The following RFX7 variants were observed in gnomAD, a reference collection of about 807,000 sequenced individuals.
RFX7 encodes DNA-binding protein RFX7.
In RFX7, 26 loss-of-function variants were observed where a neutral mutation model predicts 111.8. That is an observed-to-expected ratio of 0.23 (90% CI 0.17 to 0.32). The LOEUF (loss-of-function observed/expected upper bound fraction) is 0.32. RFX7 is among the 10% of genes least tolerant of loss of function. The pLI is 1.00. For missense variants in RFX7, 1,573 were observed against 1,772.9 expected (o/e 0.89, Z 2.02); for synonymous variants, 624 against 624.4 (o/e 1.00, Z 0.01).
At chr15:56,169,800 C>A (rs563990837) in intron 3 of RFX7, among the ~76,000 whole-genome samples, 1 of 148,634 alleles carries the variant, frequency 6.7e-6, no homozygotes, top group African/African-American at 2.5e-5. Context: ...TAGTTCCCCA[C>A]GAGCACTCTG....
At chr15:56,131,826 A>T (rs1299244552) in intron 5 of RFX7, among the ~76,000 whole-genome samples, 1 of 152,206 alleles carries the variant, frequency 6.6e-6, no homozygotes, top group Non-Finnish European at 1.5e-5. Context: ...ACAATGAAGA[A>T]GATTCACAGG....
intron 2 of RFX7, among the ~76,000 whole-genome samples, chr15:56,202,287 T>A (rs531525875): frequency 6.6e-6 from 1 of 152,140 alleles, no homozygotes; most frequent in African/African-American, 2.4e-5. Flanking sequence ...GTAAAATATT[T>A]TAGTGTGTCA....
chr15:56,163,445 G>C (rs940067974), intron 3 of RFX7, among the ~76,000 whole-genome samples: 1 of 152,098 alleles, frequency 6.6e-6, no homozygotes, highest in Non-Finnish European at 1.5e-5. Flanking sequence ...GACTTGGAAA[G>C]TTTAAAAATT....
intron 2 of RFX7, among the ~76,000 whole-genome samples, chr15:56,206,682 C>A (rs1215285847): frequency 9.9e-5 from 15 of 151,890 alleles, no homozygotes; most frequent in Admixed American, 9.8e-4. Flanking sequence ...AGAACAACAT[C>A]CTGTCATTGC....
chr15:56,134,288 C>T (rs537522597), intron 5 of RFX7, among the ~76,000 whole-genome samples: 18 of 152,248 alleles, frequency 1.2e-4, no homozygotes, highest in African/African-American at 3.4e-4. Context: ...TGTTACAACA[C>T]AAATTTTATT....
chr15:56,153,777 TG>T (rs2042610763), intron 3 of RFX7, among the ~76,000 whole-genome samples: 1 of 152,178 alleles, frequency 6.6e-6, no homozygotes, highest in African/African-American at 2.4e-5. Context: ...AACATAATAT[TG>T]GAAGTTCTGG....
chr15:56,243,398 G>A, intron 1 of RFX7, 47 bp downstream of exon 1: 3 of 735,490 alleles, frequency 4.1e-6, no homozygotes, highest in Non-Finnish European at 5.4e-6. Context: ...AGGGGGAGGG[G>A]AAGAGGAGGA....
intron 2 of RFX7, among the ~76,000 whole-genome samples, chr15:56,224,559 A>G (rs1354867088): frequency 1.3e-5 from 2 of 151,784 alleles, no homozygotes; most frequent in Non-Finnish European, 2.9e-5. Flanking sequence ...TATTTTAACA[A>G]AAGAATTTAC....
At chr15:56,125,413 T>C (rs1006099356) in intron 5 of RFX7, among the ~76,000 whole-genome samples, 15 of 152,210 alleles carry the variant, frequency 9.9e-5, no homozygotes, top group African/African-American at 3.6e-4. Flanking sequence ...TTGATAGGAA[T>C]TGCATTCAAT....
intron 3 of RFX7, among the ~76,000 whole-genome samples, chr15:56,155,324 T>C (rs1265626150): frequency 3.3e-5 from 5 of 152,208 alleles, no homozygotes; most frequent in South Asian, 2.1e-4. Context: ...CGTATGTTTA[T>C]TGCGGCACTA....
Position 56,094,487 on chromosome 15 carries a change from C to T in RFX7, c.3241G>A (p.Gly1081Ser). The change falls in exon 10 of 10, where the codon GGT (glycine) becomes AGT (serine). Residue 1081 changes from glycine to serine, a missense_variant. This residue lies in a region of RFX7 where 411 missense variants were observed against 478.1 expected (regional missense o/e 0.86). Transcript: ENST00000559447. Reference protein sequence around the residue: ...GVGNSSVSGHGILPSYQELVE... With the variant: ...GVGNSSVSGHSILPSYQELVE... The stretch of plus-strand genomic sequence containing the variant: ...AGTTCCTGATAGCTTGGGAGAATAC[C>T]ATGGCCAGAAACTGATGAATTACCA... The T allele has an allele frequency of 6.2e-7, 1 of 1,613,912 alleles. No homozygotes were observed. The highest frequency in any genetic ancestry group is 1.1e-5 in the South Asian group (1 of 91,078).
intron 5 of RFX7, among the ~76,000 whole-genome samples, chr15:56,134,652 G>A (rs1414278158): frequency 7.7e-6 from 1 of 129,412 alleles, no homozygotes; most frequent in Non-Finnish European, 1.6e-5. Flanking sequence ...AAGTTTTAGG[G>A]TACATGTGCA....
At chr15:56,118,838 C>T (rs1388414994) in intron 5 of RFX7, among the ~76,000 whole-genome samples, 1 of 152,146 alleles carries the variant, frequency 6.6e-6, no homozygotes, top group African/African-American at 2.4e-5. Flanking sequence ...TCCTTTCCTC[C>T]ACATCCTTGT....
chr15:56,156,536 C>G (rs1379971694), intron 3 of RFX7, among the ~76,000 whole-genome samples: 1 of 151,934 alleles, frequency 6.6e-6, no homozygotes, highest in Non-Finnish European at 1.5e-5. Flanking sequence ...AATGGAAATC[C>G]TTTATTTGTG....
chr15:56,163,775 G>A (rs1338860205), intron 3 of RFX7, among the ~76,000 whole-genome samples: 3 of 152,114 alleles, frequency 2.0e-5, no homozygotes, highest in South Asian at 2.1e-4. Flanking sequence ...TTGGCTGGCC[G>A]TTGTAATGGC....
chr15:56,182,623 T>C (rs1305069957), intron 2 of RFX7, among the ~76,000 whole-genome samples: 2 of 152,202 alleles, frequency 1.3e-5, no homozygotes, highest in Non-Finnish European at 2.9e-5. Context: ...TCTACAATTT[T>C]TTAATTCAAC....
At chr15:56,212,089 A>G (rs1207115114) in intron 2 of RFX7, among the ~76,000 whole-genome samples, 1 of 152,184 alleles carries the variant, frequency 6.6e-6, no homozygotes, top group Non-Finnish European at 1.5e-5. Context: ...GCAACAGTCA[A>G]AATTTGGAAG....
chr15:56,106,472 C>T (rs986473132), intron 5 of RFX7, among the ~76,000 whole-genome samples: 4 of 152,108 alleles, frequency 2.6e-5, no homozygotes, highest in Admixed American at 6.5e-5. Flanking sequence ...ACAACAAGAA[C>T]AATACCTAGA....
chr15:56,111,829 C>CACT (rs1262755574), intron 5 of RFX7, among the ~76,000 whole-genome samples: 3 of 152,114 alleles, frequency 2.0e-5, no homozygotes, highest in Admixed American at 1.3e-4. Context: ...GATTAAGAAT[C>CACT]ACTAATGCCA....
Sources: gnomAD v4.1 joint callset for allele counts (sites outside exome capture counted in the v4.1 genomes callset) on GRCh38, gnomAD v4.1.1 for gene constraint, gnomAD v4.1.1 regional missense constraint, MANE v1.5 for transcripts, NCBI Gene and HGNC (gene_info 2026-07-23, HGNC 2026-07-21) for gene names.